The following MRPL39 variants were observed in gnomAD, a reference collection of about 807,000 sequenced individuals.
MRPL39 encodes the protein large ribosomal subunit protein mL39.
MRPL39 carries 35 observed loss-of-function variants against 44.5 expected under a neutral mutation model. The ratio of observed to expected loss-of-function variants is 0.79; its 90% CI spans 0.60 to 1.04. MRPL39 has a LOEUF of 1.04. Ranked by LOEUF, MRPL39 falls within the 50% of genes least tolerant of loss-of-function variation. MRPL39 has a pLI of 0.00. For missense variants in MRPL39, 433 were observed against 413.5 expected (o/e 1.05, Z -0.41); for synonymous variants, 139 against 136.1 (o/e 1.02, Z -0.15).
chr21:25,594,006 A>T, intron 6 of MRPL39, 48 bp from the exon 7 acceptor site: 1 of 1,497,784 alleles, frequency 6.7e-7, no homozygotes, highest in East Asian at 2.3e-5. Context: ...AAAATATGTA[A>T]AAAGGTGTTT....
chr21:25,592,287 G>C (rs1437360069), intron 8 of MRPL39, among the ~76,000 whole-genome samples: 1 of 152,136 alleles, frequency 6.6e-6, no homozygotes. Context: ...CCATACCCTG[G>C]TGGTGATACT....
upstream of MRPL39, chr21:25,607,500 C>T (rs1282599175): frequency 6.2e-7 from 1 of 1,607,426 alleles, no homozygotes; most frequent in Non-Finnish European, 8.5e-7. Context: ...CCGTCGCGCG[C>T]AAGTCCTTCT....
intron 9 of MRPL39, among the ~76,000 whole-genome samples, chr21:25,586,595 A>G (rs1427109816): frequency 6.6e-6 from 1 of 152,200 alleles, no homozygotes; most frequent in African/African-American, 2.4e-5. Context: ...GTTCCACAAC[A>G]CGGGACACAA....
In MRPL39 at chr21:25,607,396, AACTC is replaced by A. The variant is rs1194135612; in HGVS notation, c.73+3_73+6del. The A allele has an allele frequency of 1.2e-6, 2 of 1,613,664 alleles. No homozygotes were observed. The highest frequency in any genetic ancestry group is 2.2e-5 in the South Asian group (2 of 91,042). On this transcript the variant is annotated splice_donor_5th_base_variant and intron_variant, in intron 1 of 9. Transcript: ENST00000352957. ...CGCTCCCTGTCCCTACGGCCTCTGA[AACTC>A]ACTCCATTTGATCCCGCCACCGGGT...
chr21:25,599,822 G>C lies in MRPL39; in HGVS notation c.565C>G (p.Leu189Val). The C allele has an allele frequency of 1.2e-6, 2 of 1,613,560 alleles. No homozygotes were observed. Among genetic ancestry groups the C allele is most frequent in the Non-Finnish European group, 1.7e-6 (2 of 1,179,676 alleles). Residue 189 changes from leucine to valine, a missense_variant, in exon 5 of 10, where the codon CTT becomes GTT. Physicochemically the swap from Leu to Val is conservative, Grantham distance 32 (BLOSUM62 1). Coordinates refer to ENST00000352957, the MANE Select transcript of MRPL39 (RefSeq NM_017446.4). ...ACTTTTGTTGGCATCCACTCATCAAGTTTGCTATCCAAAACTACGTCATAA... is the reference window on the plus strand; with the variant it reads ...ACTTTTGTTGGCATCCACTCATCAACTTTGCTATCCAAAACTACGTCATAA... ...FCYDVVLDSK[L>V]DEWMPTKENL...
At chr21:25,585,882 G>A in intron 9 of MRPL39, 128 bp from the exon 10 acceptor site, 1 of 633,648 alleles carries the variant, frequency 1.6e-6, no homozygotes, top group South Asian at 1.9e-5. Context: ...TAGTAGAATA[G>A]AAAGTTAGGT....
At position 25,597,359 on chromosome 21, in the gene MRPL39, G is replaced by A; in HGVS notation, c.644C>T (p.Pro215Leu). The stretch of plus-strand genomic sequence containing the variant: ...TGCTTCAACTTCCAGAGTTTCAAAT[G>A]GAAGATCTTTATAAATTAAAGCATG... ...DAHALIYKDL[P>L]FETLEVEAKV... The change falls in exon 6 of 10, where the codon CCA (proline) becomes CTA (leucine). Residue 215 changes from proline to leucine, a missense_variant. Transcript: ENST00000352957. 2 of 1,603,490 alleles carry A rather than the reference G, an allele frequency of 1.2e-6. No homozygotes were observed. The highest frequency in any genetic ancestry group is 2.7e-5 in the African/African-American group (2 of 74,768).
intron 9 of MRPL39, 111 bp from the exon 10 acceptor site, chr21:25,585,865 C>T: frequency 1.4e-6 from 1 of 696,166 alleles, no homozygotes; most frequent in Non-Finnish European, 2.4e-6. Context: ...TTATCTTTCC[C>T]CTTAAATAGT....
At position 25,606,645 on chromosome 21, in the gene MRPL39, T is replaced by A; in HGVS notation, c.84A>T (p.Ala28=). Residue 28 remains alanine (A), a synonymous_variant, in exon 2 of 10, where the codon GCA becomes GCT. Transcript: ENST00000352957. ...GTGACAGCTGAGAAGCTGACGATGT[T>A]GCTATAAATCCTGTGGAGAAGTTAC... The part of the protein sequence containing the change: ...PGGGIKWRFI[A]TSSASQLSPT... 6.2e-7 allele frequency: 1 copy of A among 1,610,934 alleles called. No individual in the cohort carries two copies. Among genetic ancestry groups the A allele is most frequent in the Non-Finnish European group, 8.5e-7 (1 of 1,177,350 alleles).
chr21:25,586,098 T>A (rs982916613), intron 9 of MRPL39, among the ~76,000 whole-genome samples: 1 of 152,238 alleles, frequency 6.6e-6, no homozygotes, highest in Non-Finnish European at 1.5e-5. Flanking sequence ...TTATTTTCTT[T>A]TGGAGTATAA....
chr21:25,598,994 C>T (rs1415206449), intron 5 of MRPL39, among the ~76,000 whole-genome samples: 1 of 152,134 alleles, frequency 6.6e-6, no homozygotes, highest in African/African-American at 2.4e-5. Flanking sequence ...CACTGCTTCC[C>T]CTTTTCAGAT....
chr21:25,602,862 T>C (rs773807331), intron 3 of MRPL39, among the ~76,000 whole-genome samples: 4 of 152,208 alleles, frequency 2.6e-5, no homozygotes, highest in Admixed American at 6.5e-5. Flanking sequence ...GTGACTGATA[T>C]GGTTTAGCCC....
chr21:25,603,836 A>T lies in MRPL39; in HGVS notation c.380T>A (p.Phe127Tyr), dbSNP rs149452993. 4.0e-5 allele frequency: 64 copies of T among 1,611,752 alleles called. No homozygotes were observed. Among genetic ancestry groups the T allele is most frequent in the Non-Finnish European group, 8.5e-7 (1 of 1,178,794 alleles). ...KPLTKSCEIK[F>Y]LTFKDCDPGE... ...TGGATCACAATCTTTGAAAGTAAGA[A>T]ATTTAATTTCACAGGACTTTGTTAA... Residue 127 changes from phenylalanine to tyrosine, a missense_variant, in exon 3 of 10, where the codon TTT becomes TAT. Physicochemically the swap from Phe to Tyr is conservative, Grantham distance 22. Transcript: ENST00000352957.
chr21:25,604,964 G>A (rs2031621704), intron 2 of MRPL39, among the ~76,000 whole-genome samples: 1 of 152,322 alleles, frequency 6.6e-6, no homozygotes, highest in Non-Finnish European at 1.5e-5. Context: ...CTCCTTAAGG[G>A]CCTGAGTTTT....
chr21:25,607,544 C>G (rs1041516758), upstream of MRPL39: 4 of 1,519,514 alleles, frequency 2.6e-6, no homozygotes, highest in Admixed American at 1.8e-5. Flanking sequence ...AACGCGCACT[C>G]GGAGTTCCGC....
chr21:25,605,696 A>G (rs370793948), intron 2 of MRPL39, among the ~76,000 whole-genome samples: 4 of 152,100 alleles, frequency 2.6e-5, no homozygotes, highest in African/African-American at 9.7e-5. Context: ...GCTTGAGGTC[A>G]GAAGTTCAAG....
At chr21:25,606,764 C>T (rs925741840) in intron 1 of MRPL39, 109 bp from the exon 2 acceptor site, 2 of 821,738 alleles carry the variant, frequency 2.4e-6, no homozygotes, top group South Asian at 1.8e-5. Flanking sequence ...CAAACACCAG[C>T]GGAAGAAACA....
At chr21:25,596,927 G>T (rs1236275867) in intron 6 of MRPL39, among the ~76,000 whole-genome samples, 1 of 152,160 alleles carries the variant, frequency 6.6e-6, no homozygotes, top group South Asian at 2.1e-4. Flanking sequence ...CAAACTGCTT[G>T]CATTTTCAAT....
At chr21:25,587,011 T>C (rs565394913) in intron 9 of MRPL39, among the ~76,000 whole-genome samples, 18 of 152,360 alleles carry the variant, frequency 1.2e-4, no homozygotes, top group African/African-American at 4.3e-4. Context: ...TCAGTAAGTC[T>C]GTGTTGCATC....
Sources: gnomAD v4.1 joint callset for allele counts (sites outside exome capture counted in the v4.1 genomes callset) on GRCh38, gnomAD v4.1.1 for gene constraint, MANE v1.5 for transcripts, NCBI Gene and HGNC (gene_info 2026-07-23, HGNC 2026-07-21) for gene names.